MDM1: variants seen among roughly 807,000 people sequenced by gnomAD.
The protein encoded by MDM1 is Mdm1 nuclear protein.
MDM1 carries 61 observed loss-of-function variants against 89.1 expected under a neutral mutation model. That is an observed-to-expected ratio of 0.68 (90% CI 0.56 to 0.85). The LOEUF (loss-of-function observed/expected upper bound fraction) is 0.85. Ranked by LOEUF, MDM1 falls within the 40% of genes least tolerant of loss-of-function variation. MDM1 has a pLI of 0.00. For synonymous variants in MDM1, 290 were observed against 294.1 expected (o/e 0.99, Z 0.14); for missense variants, 820 against 846.5 (o/e 0.97, Z 0.39).
At chr12:68,324,312 A>G (rs1055052802) in intron 4 of MDM1, among the ~76,000 whole-genome samples, 51 of 152,002 alleles carry the variant, frequency 3.4e-4, no homozygotes, top group African/African-American at 1.2e-3. Context: ...AATAATTACA[A>G]TTTTCAGGTT....
rs567993551 is a variant in MDM1, at chr12:68,302,718, G to T, written c.1904C>A (p.Pro635His). 6.2e-5 allele frequency: 100 copies of T among 1,613,960 alleles called. 1 individual carries two copies. In the South Asian group the frequency reaches 1.0e-3, roughly 16 times the overall value. The change falls in exon 13 of 15, where the codon CCC (proline) becomes CAC (histidine). Residue 635 changes from proline to histidine, a missense_variant. By Grantham distance (77) the Pro-to-His change is moderately conservative. Transcript: ENST00000682720. ...VSKIPKYPTN[P>H]PGQLPSPPHV... ...TGGTGGAGAAGGCAACTGTCCAGGG[G>T]GATTTGTTGGGTATTTTGGAATTTT... is the stretch of plus-strand genomic sequence containing the variant.
chr12:68,316,416 C>T, intron 8 of MDM1, 163 bp from the exon 9 acceptor site: 2 of 961,984 alleles, frequency 2.1e-6, no homozygotes, highest in Non-Finnish European at 1.5e-6. Context: ...TAAGCAAAAA[C>T]TAAAACAATC....
In MDM1 at chr12:68,323,072, C is replaced by T. The variant is rs1875448439; in HGVS notation, c.801+1G>A. 2 of 1,596,660 alleles carry T rather than the reference C, an allele frequency of 1.3e-6. No homozygotes were observed. Among genetic ancestry groups the T allele is most frequent in the Non-Finnish European group, 1.7e-6 (2 of 1,174,776 alleles). ...TTGTAAGGTTAAAAGTTGATGAATACCTTCCTTTCAGGAGACACTGTTTCA... is the reference window on the plus strand; with the variant it reads ...TTGTAAGGTTAAAAGTTGATGAATATCTTCCTTTCAGGAGACACTGTTTCA... On this transcript the variant is annotated splice_donor_variant, in intron 5 of 14. Transcript: ENST00000682720. LOFTEE classifies it high-confidence loss of function.
chr12:68,295,349 C>A lies in MDM1; in HGVS notation c.2080G>T (p.Glu694Ter). ...GAAGCTGCAGAGCGAGCAGAAATCT[C>A]AGACAATCTGTCCTCATCTGCAATG... is the stretch of plus-strand genomic sequence containing the variant. ...FNDEDEDRLS[E>*]ISARSAASSL... The change falls in exon 15 of 15, where the codon GAG (glutamate) becomes TAG (stop). Residue 694 changes from glutamate to a stop codon, truncating the protein, a stop_gained. Coordinates refer to ENST00000682720, the MANE Select transcript of MDM1 (RefSeq NM_001354969.2). LOFTEE classifies it high-confidence loss of function. 6.2e-7 allele frequency: 1 copy of A among 1,612,290 alleles called. No individual in the cohort carries two copies. Among genetic ancestry groups the A allele is most frequent in the South Asian group, 1.1e-5 (1 of 90,834 alleles).
At chr12:68,325,026 T>C in intron 4 of MDM1, 1 of 980,074 alleles carries the variant, frequency 1.0e-6, no homozygotes, top group Non-Finnish European at 1.2e-6. Context: ...ATATTTTGTA[T>C]TTATTAAATA....
Position 68,313,732 on chromosome 12 carries a change from T to C in MDM1, c.1551A>G (p.Ser517=). Residue 517 remains serine, a synonymous_variant, in exon 11 of 15, where the codon TCA becomes TCG. Coordinates refer to ENST00000682720, the MANE Select transcript of MDM1 (RefSeq NM_001354969.2). ...GAGTAGGAAGCCGGCCTCCTTTTTC[T>C]GAGGATACAGAAGAATCTGACCTAT... The part of the protein sequence containing the change: ...MKEGSDSSVS[S]EKGGRLPTPK... 1 of 1,613,976 alleles carries C rather than the reference T, an allele frequency of 6.2e-7. No homozygotes were observed. Among genetic ancestry groups the C allele is most frequent in the Non-Finnish European group, 8.5e-7 (1 of 1,179,808 alleles).
At chr12:68,328,800 G>C (rs1876378226) in intron 2 of MDM1, among the ~76,000 whole-genome samples, 1 of 152,104 alleles carries the variant, frequency 6.6e-6, no homozygotes, top group African/African-American at 2.4e-5. Flanking sequence ...TAAAAGAAGG[G>C]ACAGCCATCC....
At chr12:68,315,947 A>G in intron 9 of MDM1, 131 bp downstream of exon 9, 1 of 668,820 alleles carries the variant, frequency 1.5e-6, no homozygotes, top group Non-Finnish European at 2.3e-6. Context: ...AATAAAAATG[A>G]AATAAATGGC....
chr12:68,328,824 T>G (rs754426841), intron 2 of MDM1, among the ~76,000 whole-genome samples: 5 of 152,198 alleles, frequency 3.3e-5, no homozygotes, highest in Non-Finnish European at 5.9e-5. Flanking sequence ...GTAACACTGC[T>G]GTTGTTTTTT....
At chr12:68,304,390 C>T (rs1872604986) in intron 12 of MDM1, among the ~76,000 whole-genome samples, 1 of 152,176 alleles carries the variant, frequency 6.6e-6, no homozygotes, top group South Asian at 2.1e-4. Context: ...ACATTCAAAA[C>T]ATTGCTTTCT....
chr12:68,299,685 T>A (rs1481552925), intron 13 of MDM1, among the ~76,000 whole-genome samples: 1 of 152,054 alleles, frequency 6.6e-6, no homozygotes, highest in African/African-American at 2.4e-5. Flanking sequence ...AAATATAGGA[T>A]TATGTAAACA....
intron 9 of MDM1, among the ~76,000 whole-genome samples, chr12:68,315,793 T>G (rs762828243): frequency 6.6e-6 from 1 of 152,188 alleles, no homozygotes; most frequent in Non-Finnish European, 1.5e-5. Context: ...CTTCTAAAGG[T>G]CTTTTTACAT....
intron 4 of MDM1, chr12:68,324,928 G>A (rs1447829581): frequency 1.2e-6 from 1 of 851,012 alleles, no homozygotes; most frequent in African/African-American, 1.8e-5. Context: ...TACAGCTTTT[G>A]AATTTTACAA....
Position 68,321,513 on chromosome 12 carries a change from T to G in MDM1, c.905+12A>C, listed in dbSNP as rs1382380598. ...TCATTGAAATACCATATTTTCCTATTAAAATACATACCCAAGCCTTTGATG... is the reference window on the plus strand; with the variant it reads ...TCATTGAAATACCATATTTTCCTATGAAAATACATACCCAAGCCTTTGATG... On this transcript the variant is annotated intron_variant, in intron 6 of 14. Coordinates refer to ENST00000682720, the MANE Select transcript of MDM1 (RefSeq NM_001354969.2). 1 of 1,610,482 alleles carries G rather than the reference T, an allele frequency of 6.2e-7. No individual in the cohort carries two copies. The highest frequency in any genetic ancestry group is 1.7e-5 in the Admixed American group (1 of 59,734).
intron 5 of MDM1, 36 bp from the exon 6 acceptor site, chr12:68,321,664 G>C (rs1240159308): frequency 7.5e-7 from 1 of 1,339,008 alleles, no homozygotes; most frequent in African/African-American, 1.5e-5. Flanking sequence ...TTATGCTTAA[G>C]ATGTTACACA....
rs1446021217 is a variant in MDM1, at chr12:68,299,428, G to T, written c.2003-2446C>A. Reference sequence around the variant, plus strand: ...ATATGAATGAAAAATTTCCCAGAGAGATAGATATCATAAAGAAAATGCAAT... The same window carrying T: ...ATATGAATGAAAAATTTCCCAGAGATATAGATATCATAAAGAAAATGCAAT... On this transcript the variant is annotated intron_variant, in intron 13 of 14. Transcript: ENST00000682720. Among the ~76,000 whole-genome samples, 6 of 152,014 alleles carry T rather than the reference G, an allele frequency of 3.9e-5. No individual in the cohort carries two copies. The South Asian group carries it at 1.2e-3, about 32-fold the overall frequency.
chr12:68,320,013 A>C (rs762302367), intron 7 of MDM1, among the ~76,000 whole-genome samples: 5 of 152,246 alleles, frequency 3.3e-5, no homozygotes, highest in Non-Finnish European at 7.3e-5. Flanking sequence ...GAAATCTCAG[A>C]GAAAACACAG....
intron 4 of MDM1, 43 bp downstream of exon 4, chr12:68,325,398 T>C: frequency 7.0e-7 from 1 of 1,435,654 alleles, no homozygotes; most frequent in Non-Finnish European, 9.2e-7. Flanking sequence ...CATTACTAGA[T>C]AAGATAATGG....
chr12:68,306,415 G>T (rs1390059825), intron 12 of MDM1, among the ~76,000 whole-genome samples: 1 of 151,892 alleles, frequency 6.6e-6, no homozygotes, highest in Non-Finnish European at 1.5e-5. Context: ...ATTGACAATT[G>T]GGACTTTTGC....
Sources: allele counts gnomAD v4.1 joint callset (sites outside exome capture counted in the v4.1 genomes callset), GRCh38; gene constraint gnomAD v4.1.1; transcripts MANE v1.5; gene names NCBI Gene and HGNC (gene_info 2026-07-23, HGNC 2026-07-21).